The following LRRIQ1 variants were observed in gnomAD, a reference collection of about 807,000 sequenced individuals.
The protein encoded by LRRIQ1 is leucine-rich repeat- and IQ domain-containing protein 1.
A neutral mutation model predicts 211.9 loss-of-function variants in LRRIQ1; 210 were observed. The ratio of observed to expected loss-of-function variants is 0.99; its 90% CI spans 0.89 to 1.11. The LOEUF (loss-of-function observed/expected upper bound fraction) is 1.11. Ranked by LOEUF, LRRIQ1 falls within the 50% of genes most tolerant of loss-of-function variation. The pLI is 0.00. For missense variants in LRRIQ1, 2,136 were observed against 1,939.5 expected, an observed-to-expected ratio of 1.10 and a Z score of -1.90; for synonymous variants, 699 against 650.1, an observed-to-expected ratio of 1.08 and a Z score of -1.14.
rs370803858 is a variant in LRRIQ1, at chr12:85,244,847, G to C, written c.5075G>C (p.Ser1692Thr). The C allele has an allele frequency of 2.5e-6, 4 of 1,608,950 alleles. No homozygotes were observed. Among genetic ancestry groups the C allele is most frequent in the Non-Finnish European group, 3.4e-6 (4 of 1,177,136 alleles). The change falls in exon 27 of 27, where the codon AGT becomes ACT. Residue 1692 changes from serine to threonine, a missense_variant. Physicochemically the swap from Ser to Thr is moderately conservative, Grantham distance 58. Transcript: ENST00000393217. ...GACCTTTTTTCCATGACCAATGGAA[G>C]TGCTTTGTCTGTGAACAGAGAAAAA... is the stretch of plus-strand genomic sequence containing the variant. Reference protein sequence around the residue: ...DLDLFSMTNGSALSVNREKKN... With the variant: ...DLDLFSMTNGTALSVNREKKN...
At chr12:85,084,963 A>G (rs1387074349) in intron 11 of LRRIQ1, among the ~76,000 whole-genome samples, 2 of 152,128 alleles carry the variant, frequency 1.3e-5, no homozygotes, top group African/African-American at 4.8e-5. Context: ...TTATAAAGTA[A>G]GTCATTCTGG....
At chr12:85,186,029 C>G (rs1037717758) in intron 24 of LRRIQ1, among the ~76,000 whole-genome samples, 1 of 151,832 alleles carries the variant, frequency 6.6e-6, no homozygotes, top group Non-Finnish European at 1.5e-5. Flanking sequence ...CATATTACCA[C>G]TGTAATCATA....
intron 24 of LRRIQ1, among the ~76,000 whole-genome samples, chr12:85,201,150 G>T (rs1342799872): frequency 6.6e-6 from 1 of 151,628 alleles, no homozygotes; most frequent in Non-Finnish European, 1.5e-5. Context: ...GCTTTTTGAT[G>T]TGCTGCTAGA....
chr12:85,070,407 T>G (rs1375470578), intron 10 of LRRIQ1, among the ~76,000 whole-genome samples: 1 of 152,040 alleles, frequency 6.6e-6, no homozygotes, highest in Admixed American at 6.6e-5. Flanking sequence ...TTTGATCATT[T>G]CTTCCACAGC....
Position 85,065,427 on chromosome 12 carries a change from C to T in LRRIQ1, c.2544+13C>T, listed in dbSNP as rs1420078881. 1.3e-6 allele frequency: 2 copies of T among 1,551,050 alleles called. No individual in the cohort carries two copies. Among genetic ancestry groups the T allele is most frequent in the Non-Finnish European group, 1.7e-6 (2 of 1,149,852 alleles). ...CATTGATGCACAGGTATGCTCTCTG[C>T]CCTACTGTTATTTATTTTATAATAA... is the stretch of plus-strand genomic sequence containing the variant. On this transcript the variant is annotated intron_variant, in intron 9 of 26. Coordinates refer to ENST00000393217, the MANE Select transcript of LRRIQ1 (RefSeq NM_001079910.2).
At chr12:85,186,989 C>T (rs527507137) in intron 24 of LRRIQ1, among the ~76,000 whole-genome samples, 104 of 152,060 alleles carry the variant, frequency 6.8e-4, no homozygotes, top group Middle Eastern at 3.4e-3. Flanking sequence ...TCTGAACCTC[C>T]GTAAAGCATC....
intron 26 of LRRIQ1, among the ~76,000 whole-genome samples, chr12:85,235,593 G>T (rs929206124): frequency 6.6e-6 from 1 of 152,148 alleles, no homozygotes; most frequent in African/African-American, 2.4e-5. Context: ...TCTCTTCAGC[G>T]AAGGATAATT....
chr12:85,200,000 A>G (rs1490185147), intron 24 of LRRIQ1, among the ~76,000 whole-genome samples: 1 of 152,136 alleles, frequency 6.6e-6, no homozygotes, highest in Non-Finnish European at 1.5e-5. Context: ...TCCTAATTCC[A>G]TGGAGTATAT....
In LRRIQ1 at chr12:85,211,043, A is replaced by C. The variant is rs182928740; in HGVS notation, c.4823-18474A>C. 3.1e-4 allele frequency among the ~76,000 whole-genome samples: 47 copies of C among 152,334 alleles called. No individual in the cohort carries two copies. In the East Asian group the frequency reaches 4.2e-3, roughly 14 times the overall value. ...ATTGAGGGGCAAAGGAGACCCACAC[A>C]AATATGCTGATGCTCATATTTCTTC... On this transcript the variant is annotated intron_variant, in intron 24 of 26. Transcript: ENST00000393217.
At chr12:85,053,339 C>T (rs959693682) in intron 7 of LRRIQ1, among the ~76,000 whole-genome samples, 7 of 151,928 alleles carry the variant, frequency 4.6e-5, no homozygotes, top group Non-Finnish European at 1.5e-5. Flanking sequence ...AAAATAATTT[C>T]CAAGTAGGAT....
In LRRIQ1 at chr12:85,098,552, A is replaced by G. The variant is rs1298396411; in HGVS notation, c.3081+4A>G. The G allele has an allele frequency of 6.3e-7, 1 of 1,591,500 alleles. No homozygotes were observed. Among genetic ancestry groups the G allele is most frequent in the Non-Finnish European group, 8.6e-7 (1 of 1,167,698 alleles). On this transcript the variant is annotated splice_donor_region_variant and intron_variant, in intron 12 of 26. Transcript: ENST00000393217. ...ACAGGGAAATTATCTGAGTGAGGTAATTGCTTTGAATTAATTGATTTCTGT... is the reference window on the plus strand; with the variant it reads ...ACAGGGAAATTATCTGAGTGAGGTAGTTGCTTTGAATTAATTGATTTCTGT...
At chr12:85,176,790 TATA>T in intron 24 of LRRIQ1, among the ~76,000 whole-genome samples, 1 of 152,100 alleles carries the variant, frequency 6.6e-6, no homozygotes, top group Non-Finnish European at 1.5e-5. Flanking sequence ...TAGATGGGTC[TATA>T]ATATTTATAG....
chr12:85,272,594 T>C, the LRRIQ1 span, among the ~76,000 whole-genome samples: 2 of 152,196 alleles, frequency 1.3e-5, no homozygotes, highest in Non-Finnish European at 2.9e-5. Flanking sequence ...CTTTTTTTTT[T>C]CTTTTGGTAA....
intron 11 of LRRIQ1, among the ~76,000 whole-genome samples, chr12:85,097,383 A>T (rs1885972106): frequency 6.6e-6 from 1 of 152,044 alleles, no homozygotes; most frequent in Non-Finnish European, 1.5e-5. Flanking sequence ...CATTTACATT[A>T]GGTATATCTC....
chr12:85,156,863 G>A (rs1243150295), intron 23 of LRRIQ1, among the ~76,000 whole-genome samples: 1 of 151,808 alleles, frequency 6.6e-6, no homozygotes, highest in East Asian at 1.9e-4. Flanking sequence ...ATTAATTAAT[G>A]TAATAAATTA....
intron 18 of LRRIQ1, among the ~76,000 whole-genome samples, chr12:85,136,143 CCTCA>C (rs1463886067): frequency 1.3e-5 from 2 of 151,652 alleles, no homozygotes; most frequent in Non-Finnish European, 2.9e-5. Flanking sequence ...TACTCCTCTC[CCTCA>C]CTCCTCCAAC....
chr12:85,120,637 A>G lies in LRRIQ1; in HGVS notation c.3378-1060A>G, dbSNP rs940865612. 2.0e-5 allele frequency among the ~76,000 whole-genome samples: 3 copies of G among 152,238 alleles called. No homozygotes were observed. In the East Asian group the frequency reaches 5.8e-4, roughly 29 times the overall value. ...TAAGGGAATAACTTATATCTGGACA[A>G]TATTGAGTCTTCCTATCCATGAACC... On this transcript the variant is annotated intron_variant, in intron 15 of 26. Transcript: ENST00000393217.
intron 11 of LRRIQ1, among the ~76,000 whole-genome samples, chr12:85,087,924 T>G (rs1884994702): frequency 6.6e-6 from 1 of 152,240 alleles, no homozygotes; most frequent in South Asian, 2.1e-4. Context: ...TAGTTTCTTT[T>G]GCGATGCAGA....
At chr12:85,059,821 A>G (rs982526412) in intron 8 of LRRIQ1, among the ~76,000 whole-genome samples, 1 of 151,954 alleles carries the variant, frequency 6.6e-6, no homozygotes, top group African/African-American at 2.4e-5. Context: ...TGTTCTGCAC[A>G]TGTATCCCAT....
Sources: allele counts gnomAD v4.1 joint callset (sites outside exome capture counted in the v4.1 genomes callset), GRCh38; gene constraint gnomAD v4.1.1; transcripts MANE v1.5; gene names NCBI Gene and HGNC (gene_info 2026-07-23, HGNC 2026-07-21).